ZDHHC15: variants seen among roughly 807,000 people sequenced by gnomAD.
The protein encoded by ZDHHC15 is palmitoyltransferase ZDHHC15.
Under a neutral mutation model 31.7 loss-of-function variants are expected in ZDHHC15, and 19 were observed. The observed-to-expected ratio is 0.60, with a 90% CI of 0.42 to 0.88. ZDHHC15 has a LOEUF of 0.88. Among genes scored for constraint, ZDHHC15 ranks in the 40% least tolerant of loss-of-function variants. The pLI is 0.00. For missense variants in ZDHHC15, 209 were observed against 251.2 expected (o/e 0.83, Z 1.14); for synonymous variants, 103 against 90.0 (o/e 1.14, Z -0.82).
At chrX:75,483,303 A>G (rs185466054) in intron 2 of ZDHHC15, among the ~76,000 whole-genome samples, 7 of 110,612 alleles carry the variant, frequency 6.3e-5, no homozygotes, top group East Asian at 2.8e-4. Flanking sequence ...TTGTTAAAAA[A>G]GAGAAAAAAT....
chrX:75,487,732 C>T (rs1404750784), intron 2 of ZDHHC15, among the ~76,000 whole-genome samples: 2 of 111,750 alleles, frequency 1.8e-5, no homozygotes, highest in African/African-American at 6.5e-5. Flanking sequence ...TTAAGCTACT[C>T]AAGGAGGCAC....
At chrX:75,419,426 G>A (rs1382106228) in intron 9 of ZDHHC15, among the ~76,000 whole-genome samples, 13 of 111,410 alleles carry the variant, frequency 1.2e-4, no homozygotes, top group African/African-American at 2.6e-4. Flanking sequence ...TTAGAATGGC[G>A]ATCATGAAAA....
intron 3 of ZDHHC15, among the ~76,000 whole-genome samples, chrX:75,463,601 C>CAAA (rs2084355609): frequency 1.8e-5 from 2 of 110,659 alleles, no homozygotes; most frequent in African/African-American, 6.6e-5. Flanking sequence ...ACAACAACAA[C>CAAA]AACAAAAAAC....
chrX:75,513,249 G>A (rs999539160), intron 1 of ZDHHC15, among the ~76,000 whole-genome samples: 6 of 111,596 alleles, frequency 5.4e-5, no homozygotes, highest in African/African-American at 9.7e-5. Context: ...ATGTCTCTTC[G>A]GAAAATTTCT....
At chrX:75,513,335 A>C (rs961249133) in intron 1 of ZDHHC15, among the ~76,000 whole-genome samples, 16 of 111,911 alleles carry the variant, frequency 1.4e-4, no homozygotes, top group African/African-American at 4.9e-4. Flanking sequence ...CACCAAAACT[A>C]AGAGTACTCC....
chrX:75,421,391 T>TATATATATA (rs2083626877), intron 9 of ZDHHC15, among the ~76,000 whole-genome samples: 1 of 1,888 alleles, frequency 5.3e-4, no homozygotes, highest in Non-Finnish European at 2.9e-3. Flanking sequence ...TGTGTGTATA[T>TATATATATA]ATATATATTA....
intron 10 of ZDHHC15, among the ~76,000 whole-genome samples, chrX:75,392,107 G>A (rs2083250719): frequency 8.9e-6 from 1 of 112,163 alleles, no homozygotes; most frequent in African/African-American, 3.2e-5. Context: ...CAGAACTAAT[G>A]GAATATATCT....
chrX:75,481,123 C>A (rs1335265330), intron 2 of ZDHHC15, among the ~76,000 whole-genome samples: 2 of 110,639 alleles, frequency 1.8e-5, no homozygotes, highest in East Asian at 2.8e-4. Context: ...AATGTGTTAT[C>A]TTTTGCAATT....
chrX:75,441,654 C>T (rs1040409120), intron 4 of ZDHHC15, among the ~76,000 whole-genome samples: 11 of 101,836 alleles, frequency 1.1e-4, no homozygotes, highest in Non-Finnish European at 2.2e-4. Context: ...GACAGAGTCT[C>T]GCTCTGTCGC....
At chrX:75,423,934 C>T (rs2083680315) in intron 8 of ZDHHC15, among the ~76,000 whole-genome samples, 1 of 111,099 alleles carries the variant, frequency 9.0e-6, no homozygotes. Context: ...ACACTTTGTC[C>T]TCACTCCTCA....
intron 3 of ZDHHC15, among the ~76,000 whole-genome samples, chrX:75,460,153 G>T (rs900370637): frequency 1.8e-5 from 2 of 112,245 alleles, no homozygotes; most frequent in Admixed American, 1.9e-4. Context: ...GGGATTACAG[G>T]CGTGAGCCAC....
chrX:75,471,109 C>A (rs1475830229), intron 3 of ZDHHC15, among the ~76,000 whole-genome samples: 2 of 112,269 alleles, frequency 1.8e-5, no homozygotes, highest in Non-Finnish European at 3.8e-5. Context: ...ATGGCTTGAG[C>A]AAATTAACAC....
At chrX:75,490,322 G>A (rs912599358) in intron 2 of ZDHHC15, among the ~76,000 whole-genome samples, 3 of 111,681 alleles carry the variant, frequency 2.7e-5, no homozygotes, top group African/African-American at 9.8e-5. Flanking sequence ...AGGAAAATAT[G>A]TTAAGGGCAG....
chrX:75,458,893 A>G (rs1340152192), intron 3 of ZDHHC15, among the ~76,000 whole-genome samples: 4 of 106,380 alleles, frequency 3.8e-5, no homozygotes, highest in African/African-American at 1.4e-4. Flanking sequence ...TAAAATATAC[A>G]GGTTCTCGCA....
chrX:75,459,921 G>A (rs2084284903), intron 3 of ZDHHC15, among the ~76,000 whole-genome samples: 1 of 112,174 alleles, frequency 8.9e-6, no homozygotes. Context: ...TATTGCCCAG[G>A]CTGGAGTGCA....
At chrX:75,409,174 C>T (rs1174943997) in intron 10 of ZDHHC15, among the ~76,000 whole-genome samples, 1 of 111,514 alleles carries the variant, frequency 9.0e-6, no homozygotes. Context: ...AAACTGGAGG[C>T]ACCACACTAC....
chrX:75,391,321 C>T (rs1178402266), intron 10 of ZDHHC15, among the ~76,000 whole-genome samples: 5 of 111,805 alleles, frequency 4.5e-5, no homozygotes, highest in Non-Finnish European at 9.4e-5. Context: ...GGAATAATGA[C>T]AGAATTTCCC....
chrX:75,398,133 G>A (rs897505907), intron 10 of ZDHHC15, among the ~76,000 whole-genome samples: 3 of 112,113 alleles, frequency 2.7e-5, no homozygotes, highest in Non-Finnish European at 5.6e-5. Flanking sequence ...CACAAGATAA[G>A]ACCCACTGGC....
At chrX:75,489,284 G>A (rs1041609491) in intron 2 of ZDHHC15, among the ~76,000 whole-genome samples, 1 of 112,142 alleles carries the variant, frequency 8.9e-6, no homozygotes, top group South Asian at 3.7e-4. Flanking sequence ...AGAACGGACA[G>A]ACTGCCTCCT....
Sources: gnomAD v4.1 joint callset for allele counts (sites outside exome capture counted in the v4.1 genomes callset) on GRCh38, gnomAD v4.1.1 for gene constraint, MANE v1.5 for transcripts, NCBI Gene and HGNC (gene_info 2026-07-23, HGNC 2026-07-21) for gene names.